The following MAN2A1 variants were observed in gnomAD, a reference collection of about 807,000 sequenced individuals.
The protein encoded by MAN2A1 is alpha-mannosidase 2.
In MAN2A1, 76 loss-of-function variants were observed where a neutral mutation model predicts 142.6. That is an observed-to-expected ratio of 0.53 (90% CI 0.44 to 0.65). The LOEUF is 0.65. Among genes scored for constraint, MAN2A1 ranks in the 30% least tolerant of loss-of-function variants. The probability of loss-of-function intolerance (pLI) is 0.00; values close to 1 mark genes in which losing one functional copy is unlikely to be tolerated. For missense variants in MAN2A1, 1,311 were observed against 1,365.1 expected (o/e 0.96, Z 0.62); for synonymous variants, 559 against 473.2 (o/e 1.18, Z -2.35).
At chr5:109,818,605 A>G (rs1277627346) in intron 13 of MAN2A1, among the ~76,000 whole-genome samples, 1 of 152,108 alleles carries the variant, frequency 6.6e-6, no homozygotes, top group Non-Finnish European at 1.5e-5. Flanking sequence ...TAATATTTAT[A>G]TTATGTTTAT....
At chr5:109,810,207 T>C (rs1754279122) in intron 12 of MAN2A1, among the ~76,000 whole-genome samples, 1 of 152,156 alleles carries the variant, frequency 6.6e-6, no homozygotes, top group South Asian at 2.1e-4. Flanking sequence ...CTAGTTTCTT[T>C]TTTTCTTGGT....
intron 4 of MAN2A1, among the ~76,000 whole-genome samples, chr5:109,734,523 C>T (rs1752026057): frequency 6.6e-6 from 1 of 152,038 alleles, no homozygotes. Context: ...TATAAATTTC[C>T]CTCTACACAC....
intron 1 of MAN2A1, among the ~76,000 whole-genome samples, chr5:109,709,372 A>C (rs1300556205): frequency 1.3e-5 from 2 of 152,204 alleles, no homozygotes; most frequent in African/African-American, 4.8e-5. Flanking sequence ...GGTTTAATCA[A>C]AAGGGCAAAG....
chr5:109,750,081 C>A (rs953721381), intron 4 of MAN2A1, among the ~76,000 whole-genome samples: 5 of 152,026 alleles, frequency 3.3e-5, no homozygotes, highest in African/African-American at 1.2e-4. Context: ...TCTGTTAAGA[C>A]TTTTAGTCCT....
In MAN2A1 at chr5:109,869,380, A is replaced by G. The variant is rs564558308; in HGVS notation, c.*2382A>G. 32 of 152,344 alleles carry G rather than the reference A, an allele frequency of 2.1e-4. No homozygotes were observed. Among genetic ancestry groups the G allele is most frequent in the African/African-American group, 6.3e-4 (26 of 41,570 alleles). 9.4% of individuals were successfully genotyped at this position (152,344 alleles called of 1,614,324 possible). On this transcript the variant is annotated 3_prime_UTR_variant, in exon 22 of 22. Coordinates refer to ENST00000261483, the MANE Select transcript of MAN2A1 (RefSeq NM_002372.4). ...GAACTCAGCATCCTTGTTTTCTACA[A>G]ATACTGATTAAAATAAAATGCTGTA...
At chr5:109,739,120 G>A (rs111955329) in intron 4 of MAN2A1, among the ~76,000 whole-genome samples, 62 of 152,210 alleles carry the variant, frequency 4.1e-4, no homozygotes, top group Non-Finnish European at 7.8e-4. Flanking sequence ...GGGATTACAG[G>A]CATCAGCCAC....
At chr5:109,799,465 A>G (rs2112693906) in intron 12 of MAN2A1, among the ~76,000 whole-genome samples, 1 of 152,256 alleles carries the variant, frequency 6.6e-6, no homozygotes, top group African/African-American at 2.4e-5. Context: ...AAAAAAAACA[A>G]AAAAGCAGGC....
chr5:109,693,595 C>T (rs568520581), intron 1 of MAN2A1, among the ~76,000 whole-genome samples: 13 of 151,538 alleles, frequency 8.6e-5, no homozygotes, highest in Non-Finnish European at 5.9e-5. Context: ...TTTTGGAGAG[C>T]GGGGGTTTGT....
chr5:109,851,743 C>T (rs1048163064), intron 19 of MAN2A1, among the ~76,000 whole-genome samples: 2 of 152,100 alleles, frequency 1.3e-5, no homozygotes, highest in Admixed American at 6.6e-5. Flanking sequence ...TTACCCCTTT[C>T]CTGCTACTGG....
intron 16 of MAN2A1, among the ~76,000 whole-genome samples, chr5:109,841,167 T>C (rs1412315104): frequency 6.6e-6 from 1 of 152,116 alleles, no homozygotes; most frequent in African/African-American, 2.4e-5. Flanking sequence ...TTTCCATAGG[T>C]TATTGGGGTA....
chr5:109,854,296 T>C (rs1755553107), intron 19 of MAN2A1: 1 of 152,206 alleles, frequency 6.6e-6, no homozygotes. Context: ...ATTGATTTAA[T>C]TTTGCATGTC....
intron 1 of MAN2A1, among the ~76,000 whole-genome samples, chr5:109,702,515 TAA>T (rs998209276): frequency 2.0e-4 from 31 of 152,104 alleles, no homozygotes; most frequent in Admixed American, 3.3e-4. Flanking sequence ...TTGTTGATAG[TAA>T]AGAAAAACTC....
rs555683467 is a variant in MAN2A1 at position 109,770,329 on chromosome 5, G to A, written c.1010-26G>A. 56 of 1,597,490 alleles carry A rather than the reference G, an allele frequency of 3.5e-5. 1 individual carries two copies. Among genetic ancestry groups the A allele is most frequent in the Non-Finnish European group, 4.7e-5 (55 of 1,169,714 alleles). On this transcript the variant is annotated intron_variant, in intron 6 of 21. Coordinates refer to ENST00000261483, the MANE Select transcript of MAN2A1 (RefSeq NM_002372.4). ...GGGAAAACAGATTTTATAAATGCAG[G>A]TTTGTGTGTTGGCTCTTTATTTTAG...
At chr5:109,728,688 T>A (rs180894738) in intron 3 of MAN2A1, among the ~76,000 whole-genome samples, 1 of 152,248 alleles carries the variant, frequency 6.6e-6, no homozygotes, top group Non-Finnish European at 1.5e-5. Context: ...TGAAAAATTT[T>A]ACCTATATGC....
chr5:109,849,946 G>C (rs1351995646), intron 19 of MAN2A1, among the ~76,000 whole-genome samples: 2 of 151,864 alleles, frequency 1.3e-5, no homozygotes, highest in Non-Finnish European at 2.9e-5. Context: ...CCTCCCCACC[G>C]CACTTTTGCA....
rs757454967 is a variant in MAN2A1, at chr5:109,690,469, G to T, written c.52G>T (p.Val18Leu). 1 of 1,614,054 alleles carries T rather than the reference G, an allele frequency of 6.2e-7. No homozygotes were observed. The highest frequency in any genetic ancestry group is 8.5e-7 in the Non-Finnish European group (1 of 1,179,946). Residue 18 changes from valine to leucine, a missense_variant, in exon 1 of 22, where the codon GTG becomes TTG. This residue lies in a region of MAN2A1 where 409 missense variants were observed against 412.7 expected (regional missense o/e 0.99). Coordinates refer to ENST00000261483, the MANE Select transcript of MAN2A1 (RefSeq NM_002372.4). ...GTTCGGCAGTGCGATCTTCTGTGTGGTGATTTTCTCGCTCTACCTGATGCT... is the reference window on the plus strand; with the variant it reads ...GTTCGGCAGTGCGATCTTCTGTGTGTTGATTTTCTCGCTCTACCTGATGCT... ...TVFGSAIFCV[V>L]IFSLYLMLDR...
At chr5:109,818,053 A>G (rs1408838322) in intron 13 of MAN2A1, among the ~76,000 whole-genome samples, 1 of 152,220 alleles carries the variant, frequency 6.6e-6, no homozygotes, top group East Asian at 1.9e-4. Context: ...AATGTCATTT[A>G]AACGGCATTT....
intron 5 of MAN2A1, among the ~76,000 whole-genome samples, chr5:109,756,759 A>G (rs1250157544): frequency 6.6e-6 from 1 of 152,220 alleles, no homozygotes; most frequent in African/African-American, 2.4e-5. Context: ...TGCTTGCAAG[A>G]TTGGCCCTTG....
chr5:109,796,110 T>C (rs1753854441), intron 12 of MAN2A1, among the ~76,000 whole-genome samples: 1 of 152,208 alleles, frequency 6.6e-6, no homozygotes, highest in African/African-American at 2.4e-5. Context: ...TTGAGGACTT[T>C]GGAAATATTC....
Sources: allele counts gnomAD v4.1 joint callset (sites outside exome capture counted in the v4.1 genomes callset), GRCh38; gene constraint gnomAD v4.1.1; regional missense constraint gnomAD v4.1.1; transcripts MANE v1.5; gene names NCBI Gene and HGNC (gene_info 2026-07-23, HGNC 2026-07-21).